Variants in PCDHGA7 observed in about 807,000 individuals in gnomAD.
PCDHGA7 encodes the protein protocadherin gamma subfamily A, 7, also known as protocadherin gamma-A7.
PCDHGA7 carries 44 observed loss-of-function variants against 58.3 expected under a neutral mutation model. The ratio of observed to expected loss-of-function variants is 0.75; its 90% confidence interval spans 0.59 to 0.97. PCDHGA7 has a LOEUF of 0.97. PCDHGA7 is among the 50% of genes least tolerant of loss of function. The pLI, the probability that PCDHGA7 is intolerant of heterozygous loss-of-function variation, is 0.00. For synonymous variants in PCDHGA7, 516 were observed against 504.2 expected (o/e 1.02, Z -0.31); for missense variants, 1,266 against 1,188.7 (o/e 1.06, Z -0.96).
At chr5:141,417,517 T>C (rs2096127273) in intron 1 of PCDHGA7, 1 of 255,788 alleles carries the variant, frequency 3.9e-6, no homozygotes, top group East Asian at 7.9e-5. Flanking sequence ...ATATTTTGGC[T>C]GTCAACTCGT....
At chr5:141,467,064 T>C (rs1289790911) in intron 1 of PCDHGA7, among the ~76,000 whole-genome samples, 2 of 151,724 alleles carry the variant, frequency 1.3e-5, no homozygotes, top group Middle Eastern at 3.2e-3. Context: ...TCTTTTTTTT[T>C]TTTTTTTAGA....
chr5:141,410,458 T>C (rs776990737), intron 1 of PCDHGA7: 9 of 1,613,922 alleles, frequency 5.6e-6, no homozygotes, highest in Middle Eastern at 3.3e-4. Context: ...CTTATTCTTA[T>C]AATCTGTGCA....
At chr5:141,436,053 A>G (rs971342534) in intron 1 of PCDHGA7, among the ~76,000 whole-genome samples, 2 of 152,232 alleles carry the variant, frequency 1.3e-5, no homozygotes, top group African/African-American at 2.4e-5. Flanking sequence ...TAGTTTTCAA[A>G]TAGAATTTAA....
chr5:141,409,881 C>T (rs2095330257), intron 1 of PCDHGA7: 1 of 1,612,978 alleles, frequency 6.2e-7, no homozygotes, highest in Non-Finnish European at 8.5e-7. Context: ...GACAACGCAC[C>T]GCGGGTGCTG....
intron 1 of PCDHGA7, chr5:141,422,645 T>C: frequency 6.2e-7 from 1 of 1,612,232 alleles, no homozygotes; most frequent in Non-Finnish European, 8.5e-7. Flanking sequence ...GCCTCCATCT[T>C]CTCAGTGACC....
intron 3 of PCDHGA7, among the ~76,000 whole-genome samples, chr5:141,505,765 T>C (rs970212345): frequency 5.3e-5 from 8 of 151,922 alleles, no homozygotes; most frequent in African/African-American, 1.9e-4. Flanking sequence ...ACAGTGTAGC[T>C]CAGGTCCTAG....
At position 141,431,007 on chromosome 5, in the gene PCDHGA7, G is replaced by C. The variant is rs149559471; in HGVS notation, c.2424+45684G>C. On this transcript the variant is annotated intron_variant, in intron 1 of 3. Transcript: ENST00000518325. This position sits in a 1 kb window ranked among gnomAD's most constrained non-coding sequence, Gnocchi z 4.8. Reference sequence around the variant, plus strand: ...TTCGCCCTGAATCCGCGCAGCGGCAGCTTGGTCACGGCGGGCAGGATAGAC... The same window carrying C: ...TTCGCCCTGAATCCGCGCAGCGGCACCTTGGTCACGGCGGGCAGGATAGAC... 10 of 1,614,050 alleles carry C rather than the reference G, an allele frequency of 6.2e-6. No homozygotes were observed. The highest frequency in any genetic ancestry group is 8.5e-6 in the Non-Finnish European group (10 of 1,180,018).
In PCDHGA7 at chr5:141,477,877, C is replaced by A; in HGVS notation, c.2425-16930C>A. 1 of 1,614,170 alleles carries A rather than the reference C, an allele frequency of 6.2e-7. No homozygotes were observed. The highest frequency in any genetic ancestry group is 8.5e-7 in the Non-Finnish European group (1 of 1,180,036). On this transcript the variant is annotated intron_variant, in intron 1 of 3. Transcript: ENST00000518325. This position sits in a 1 kb window ranked among gnomAD's most constrained non-coding sequence, Gnocchi z 4.9. The stretch of plus-strand genomic sequence containing the variant: ...TGCTGCCTCGAGGTACCTCAGCTGG[C>A]CACCTAGTGTCACGGGTGGTAGGCT...
At chr5:141,442,759 A>G (rs2098341868) in intron 1 of PCDHGA7, among the ~76,000 whole-genome samples, 1 of 152,152 alleles carries the variant, frequency 6.6e-6, no homozygotes, top group Non-Finnish European at 1.5e-5. Flanking sequence ...GATTATATAT[A>G]TTTGTATGTG....
Position 141,385,647 on chromosome 5 carries a change from A to C in PCDHGA7, c.2424+324A>C, listed in dbSNP as rs541754761. On this transcript the variant is annotated intron_variant, in intron 1 of 3. Transcript: ENST00000518325. The stretch of plus-strand genomic sequence containing the variant: ...GAATGAATCGAGTCTTTCATATTGC[A>C]CAAGGTTAGCAGGAATAAAACACAC... The C allele has an allele frequency of 2.2e-5, 16 of 727,638 alleles. No homozygotes were observed. The African/African-American group carries it at 2.4e-4, about 11-fold the overall frequency. 45.1% of individuals were successfully genotyped at this position (727,638 alleles called of 1,614,324 possible).
At chr5:141,422,789 T>A (rs776409955) in intron 1 of PCDHGA7, 16 of 1,614,158 alleles carry the variant, frequency 9.9e-6, no homozygotes, top group Non-Finnish European at 1.4e-5. Context: ...CTACAATCCT[T>A]CGACTATGAG....
At chr5:141,470,589 G>A (rs1593264687) in intron 1 of PCDHGA7, among the ~76,000 whole-genome samples, 1 of 152,300 alleles carries the variant, frequency 6.6e-6, no homozygotes, top group East Asian at 1.9e-4. Flanking sequence ...TCATAGGCAG[G>A]CGACCTGTGC....
intron 1 of PCDHGA7, chr5:141,390,401 A>G (rs1471626291): frequency 2.3e-6 from 3 of 1,328,496 alleles, no homozygotes; most frequent in Admixed American, 2.3e-5. Flanking sequence ...TCATTTTAGG[A>G]AAGTTGTAGT....
At chr5:141,433,767 G>A (rs1237334342) in intron 1 of PCDHGA7, among the ~76,000 whole-genome samples, 1 of 151,532 alleles carries the variant, frequency 6.6e-6, no homozygotes, top group East Asian at 1.9e-4. Flanking sequence ...AACCTGGGAG[G>A]TGGAGGTTGC....
At chr5:141,461,063 C>T (rs1472437531) in intron 1 of PCDHGA7, among the ~76,000 whole-genome samples, 1 of 151,796 alleles carries the variant, frequency 6.6e-6, no homozygotes, top group Non-Finnish European at 1.5e-5. Flanking sequence ...GTTGGTTTCA[C>T]ATTTTTGCAA....
chr5:141,424,768 A>G (rs143190880), intron 1 of PCDHGA7: 38 of 152,284 alleles, frequency 2.5e-4, no homozygotes, highest in African/African-American at 9.1e-4. Context: ...TCTTATGGCA[A>G]ATAGTACATT....
intron 1 of PCDHGA7, chr5:141,405,626 C>G (rs1329214735): frequency 3.7e-6 from 2 of 538,556 alleles, no homozygotes; most frequent in South Asian, 5.3e-5. Context: ...AGGCACGTGC[C>G]ACCACGCCCG....
In PCDHGA7 at chr5:141,489,307, T is replaced by A; in HGVS notation, c.2425-5500T>A. On this transcript the variant is annotated intron_variant, in intron 1 of 3. Transcript: ENST00000518325. The surrounding 1 kb of genome is among the most constrained non-coding windows in gnomAD (Gnocchi z 4.5). ...AGTGCTGTGCATGTTGTCCTTGTGCTGCTGGGGCTGGGTGTCTGGGCAGCT... is the reference window on the plus strand; with the variant it reads ...AGTGCTGTGCATGTTGTCCTTGTGCAGCTGGGGCTGGGTGTCTGGGCAGCT... The A allele has an allele frequency of 6.3e-7, 1 of 1,591,138 alleles. No individual in the cohort carries two copies. The highest frequency in any genetic ancestry group is 8.6e-7 in the Non-Finnish European group (1 of 1,168,222).
At chr5:141,474,126 A>G (rs1450071391) in intron 1 of PCDHGA7, among the ~76,000 whole-genome samples, 2 of 152,232 alleles carry the variant, frequency 1.3e-5, no homozygotes, top group African/African-American at 4.8e-5. Context: ...AAAATCTCAG[A>G]AAACTACAGG....
Sources: allele counts gnomAD v4.1 joint callset (sites outside exome capture counted in the v4.1 genomes callset), GRCh38; gene constraint gnomAD v4.1.1; non-coding constraint Gnocchi (gnomAD v3.1); transcripts MANE v1.5; gene names NCBI Gene and HGNC (gene_info 2026-07-23, HGNC 2026-07-21).